Variants in ETV1 observed in about 807,000 individuals in gnomAD.
The protein encoded by ETV1 is ETS variant transcription factor 1.
Under a neutral mutation model 62.3 loss-of-function variants are expected in ETV1, and 27 were observed. The observed-to-expected ratio is 0.43, with a 90% CI of 0.32 to 0.60. The LOEUF (loss-of-function observed/expected upper bound fraction) is 0.60. Ranked by LOEUF, ETV1 falls within the 20% of genes least tolerant of loss-of-function variation. The pLI, the probability that ETV1 is intolerant of heterozygous loss-of-function variation, is 0.06. For missense variants in ETV1, 605 were observed against 605.8 expected, an observed-to-expected ratio of 1.00 and a Z score of 0.01; for synonymous variants, 222 against 199.6, an observed-to-expected ratio of 1.11 and a Z score of -0.94.
intron 5 of ETV1, among the ~76,000 whole-genome samples, chr7:13,980,143 A>G (rs2128504956): frequency 6.6e-6 from 1 of 152,288 alleles, no homozygotes; most frequent in South Asian, 2.1e-4. Context: ...AAAACATATG[A>G]CTCACATTTT....
intron 12 of ETV1, 23 bp from the exon 13 acceptor site, chr7:13,900,862 T>C: frequency 6.7e-7 from 1 of 1,494,346 alleles, no homozygotes; most frequent in Non-Finnish European, 9.2e-7. Context: ...AGAATTACAT[T>C]GTAGTGTTAA....
intron 6 of ETV1, among the ~76,000 whole-genome samples, chr7:13,952,899 A>G (rs574699077): frequency 2.6e-5 from 4 of 152,356 alleles, no homozygotes; most frequent in African/African-American, 9.6e-5. Flanking sequence ...GTACTTCAGC[A>G]GTAGTGGTAC....
intron 12 of ETV1, among the ~76,000 whole-genome samples, chr7:13,902,034 C>T (rs1234034514): frequency 6.6e-6 from 1 of 152,100 alleles, no homozygotes; most frequent in African/African-American, 2.4e-5. Context: ...CTTGCTTTTC[C>T]TACCCCAGCT....
intron 9 of ETV1, among the ~76,000 whole-genome samples, chr7:13,913,911 G>T (rs1374103988): frequency 9.3e-6 from 1 of 107,390 alleles, no homozygotes; most frequent in Admixed American, 1.3e-4. Flanking sequence ...TTGAGACAGA[G>T]TCTCGCTCTG....
chr7:13,946,881 C>T (rs56041031), intron 6 of ETV1, among the ~76,000 whole-genome samples: 18,705 of 152,194 alleles, frequency 0.12, 1,220 homozygotes, highest in Middle Eastern at 0.14. Flanking sequence ...CCCTGCCTCG[C>T]GGGTTCAAGT....
chr7:13,925,121 T>C (rs1785260561), intron 9 of ETV1, among the ~76,000 whole-genome samples: 1 of 152,198 alleles, frequency 6.6e-6, no homozygotes, highest in African/African-American at 2.4e-5. Context: ...TCCTTTATTT[T>C]CTTATTTTAG....
intron 9 of ETV1, among the ~76,000 whole-genome samples, chr7:13,931,107 T>C (rs897336741): frequency 6.6e-6 from 1 of 152,142 alleles, no homozygotes. Flanking sequence ...TTAAATGTTA[T>C]AAGCAACATG....
intron 9 of ETV1, among the ~76,000 whole-genome samples, chr7:13,919,510 G>C (rs41370744): frequency 0.026 from 3,644 of 138,720 alleles, 151 homozygotes; most frequent in African/African-American, 0.092. Context: ...ATTTATCTTT[G>C]AATTACTCTC....
chr7:13,938,881 C>T (rs1231717961), intron 7 of ETV1, among the ~76,000 whole-genome samples: 1 of 152,162 alleles, frequency 6.6e-6, no homozygotes, highest in African/African-American at 2.4e-5. Flanking sequence ...CAAGATGCAT[C>T]ACTACAGTAG....
intron 9 of ETV1, among the ~76,000 whole-genome samples, chr7:13,915,589 A>G (rs1784064562): frequency 6.6e-6 from 1 of 152,212 alleles, no homozygotes; most frequent in African/African-American, 2.4e-5. Flanking sequence ...AAGGTTTACA[A>G]GGATGCATAG....
At chr7:13,899,591 A>G (rs77403286) in intron 13 of ETV1, among the ~76,000 whole-genome samples, 3,882 of 152,310 alleles carry the variant, frequency 0.025, 72 homozygotes, top group Middle Eastern at 0.082. Context: ...TATAACATGT[A>G]ACTATGTTTA....
intron 9 of ETV1, among the ~76,000 whole-genome samples, chr7:13,920,092 C>T (rs768293369): frequency 1.7e-4 from 26 of 152,052 alleles, no homozygotes; most frequent in South Asian, 4.1e-4. Flanking sequence ...ACACTCCACC[C>T]CCTTCTAATT....
chr7:13,935,010 C>T (rs1290886367), intron 8 of ETV1, among the ~76,000 whole-genome samples: 1 of 152,144 alleles, frequency 6.6e-6, no homozygotes, highest in African/African-American at 2.4e-5. Context: ...TAAGGTAGTA[C>T]ATCTCAGAAC....
intron 6 of ETV1, among the ~76,000 whole-genome samples, chr7:13,974,573 A>G (rs773440275): frequency 3.3e-5 from 5 of 152,240 alleles, no homozygotes; most frequent in African/African-American, 4.8e-5. Flanking sequence ...TCAAGGCAGA[A>G]TGTAGGTGTG....
chr7:13,916,861 G>A (rs1460635648), intron 9 of ETV1, among the ~76,000 whole-genome samples: 2 of 151,578 alleles, frequency 1.3e-5, no homozygotes, highest in African/African-American at 4.9e-5. Flanking sequence ...GAGCGCAGGA[G>A]GCAGAGGTTG....
intron 5 of ETV1, among the ~76,000 whole-genome samples, chr7:13,981,698 T>A (rs1782009714): frequency 6.6e-6 from 1 of 152,060 alleles, no homozygotes; most frequent in South Asian, 2.1e-4. Flanking sequence ...GGAAATGCCT[T>A]ATTTTTCTTT....
rs184258013 is a variant in ETV1, at chr7:13,931,701, C to T, written c.603G>A (p.Pro201=). 3.3e-5 allele frequency: 53 copies of T among 1,613,892 alleles called. No individual in the cohort carries two copies. Among genetic ancestry groups the T allele is most frequent in the South Asian group, 1.1e-4 (10 of 91,066 alleles). ...SEPCNSFPPL[P]TMPREGRPMY... ...TAGGACGTCCTTCCCTTGGCATCGTCGGCAAAGGAGGAAAGGAGTTACAGG... is the reference window on the plus strand; with the variant it reads ...TAGGACGTCCTTCCCTTGGCATCGTTGGCAAAGGAGGAAAGGAGTTACAGG... The change falls in exon 9 of 14, where the codon CCG becomes CCA. Residue 201 remains proline (P), a synonymous_variant. Coordinates refer to ENST00000430479, the MANE Select transcript of ETV1 (RefSeq NM_004956.5).
intron 6 of ETV1, among the ~76,000 whole-genome samples, chr7:13,957,239 C>A (rs1057480931): frequency 6.6e-6 from 1 of 152,058 alleles, no homozygotes; most frequent in Non-Finnish European, 1.5e-5. Context: ...GCGGCCGCCA[C>A]CATGCCCAGC....
At chr7:13,974,692 C>T (rs1200317315) in intron 6 of ETV1, among the ~76,000 whole-genome samples, 1 of 152,162 alleles carries the variant, frequency 6.6e-6, no homozygotes, top group African/African-American at 2.4e-5. Flanking sequence ...TGTAAAGAAC[C>T]GAGGTCTCTA....
Sources: gnomAD v4.1 joint callset for allele counts (sites outside exome capture counted in the v4.1 genomes callset) on GRCh38, gnomAD v4.1.1 for gene constraint, MANE v1.5 for transcripts, NCBI Gene and HGNC (gene_info 2026-07-23, HGNC 2026-07-21) for gene names.